Variants in FAT3 observed in about 807,000 individuals in gnomAD.
FAT3 encodes protocadherin Fat 3.
In FAT3, 95 loss-of-function variants were observed where a neutral mutation model predicts 310.2. That is an observed-to-expected ratio of 0.31 (90% CI 0.26 to 0.36). The LOEUF (loss-of-function observed/expected upper bound fraction) is 0.36, where lower values mean the gene tolerates loss of function less well. Ranked by LOEUF, FAT3 falls within the 10% of genes least tolerant of loss-of-function variation. The pLI, the probability that FAT3 is intolerant of heterozygous loss-of-function variation, is 1.00. For missense variants in FAT3, 5,408 were observed against 5,715.6 expected (o/e 0.95, Z 1.74); for synonymous variants, 2,314 against 2,192.9 (o/e 1.06, Z -1.54).
At chr11:92,588,229 G>T (rs1300124779) in intron 3 of FAT3, among the ~76,000 whole-genome samples, 1 of 151,666 alleles carries the variant, frequency 6.6e-6, no homozygotes, top group Non-Finnish European at 1.5e-5. Flanking sequence ...GACCAACAGT[G>T]TTCCTAATGC....
intron 2 of FAT3, among the ~76,000 whole-genome samples, chr11:92,479,357 C>T (rs1376985667): frequency 6.6e-6 from 1 of 152,014 alleles, no homozygotes. Flanking sequence ...TGTTCAGTGA[C>T]TTGCCTAAGG....
At chr11:92,561,903 G>C (rs894831232) in intron 3 of FAT3, among the ~76,000 whole-genome samples, 3 of 152,116 alleles carry the variant, frequency 2.0e-5, no homozygotes, top group African/African-American at 7.2e-5. Flanking sequence ...TGGGATTACA[G>C]GCGTGAACCA....
chr11:92,342,612 C>T (rs1306288782), intron 1 of FAT3, among the ~76,000 whole-genome samples: 1 of 152,126 alleles, frequency 6.6e-6, no homozygotes, highest in African/African-American at 2.4e-5. Context: ...TGCCCCCCGA[C>T]TATTGGAATT....
chr11:92,635,448 T>C (rs1329905492), intron 3 of FAT3, among the ~76,000 whole-genome samples: 1 of 152,228 alleles, frequency 6.6e-6, no homozygotes, highest in Non-Finnish European at 1.5e-5. Context: ...AGCCATATCA[T>C]GAAGGCCTTC....
intron 2 of FAT3, among the ~76,000 whole-genome samples, chr11:92,482,968 A>C (rs1952274235): frequency 6.6e-6 from 1 of 152,228 alleles, no homozygotes; most frequent in Non-Finnish European, 1.5e-5. Context: ...TAAATCAAGA[A>C]GGGAAAGGCA....
chr11:92,586,247 A>G (rs1939150118), intron 3 of FAT3, among the ~76,000 whole-genome samples: 1 of 152,040 alleles, frequency 6.6e-6, no homozygotes, highest in South Asian at 2.1e-4. Context: ...GTATTTATAT[A>G]AAAGACATTT....
intron 3 of FAT3, among the ~76,000 whole-genome samples, chr11:92,546,740 C>T (rs771480395): frequency 2.0e-5 from 3 of 152,062 alleles, no homozygotes; most frequent in Non-Finnish European, 4.4e-5. Context: ...GGGTGGGGAA[C>T]GGGGGCTACC....
intron 1 of FAT3, among the ~76,000 whole-genome samples, chr11:92,349,490 A>G (rs990976935): frequency 2.0e-5 from 3 of 152,216 alleles, no homozygotes; most frequent in Admixed American, 1.3e-4. Context: ...AGACACCCCA[A>G]TCACACTGTG....
chr11:92,377,962 A>G (rs1382790702), intron 2 of FAT3, among the ~76,000 whole-genome samples: 1 of 152,210 alleles, frequency 6.6e-6, no homozygotes, highest in Non-Finnish European at 1.5e-5. Flanking sequence ...AAAGCTTTGA[A>G]TAATGTATGT....
Position 92,554,440 on chromosome 11 carries a change from C to T in FAT3, c.3607+29492C>T, listed in dbSNP as rs370501568. Among the ~76,000 whole-genome samples, 7 of 111,336 alleles carry T rather than the reference C, an allele frequency of 6.3e-5. No homozygotes were observed. The South Asian group carries it at 1.5e-3, about 24-fold the overall frequency. 73.0% of individuals were successfully genotyped at this position (111,336 alleles called of 152,430 possible). On this transcript the variant is annotated intron_variant, in intron 3 of 27. Coordinates refer to ENST00000525166, the MANE Select transcript of FAT3 (RefSeq NM_001367949.2). Reference sequence around the variant, plus strand: ...TTGCGCCACTGCACTCCAACCTGGGCGAAAGAGTGAGACTCCATCTCAAAA... The same window carrying T: ...TTGCGCCACTGCACTCCAACCTGGGTGAAAGAGTGAGACTCCATCTCAAAA...
rs1033995626 is a variant in FAT3, at chr11:92,615,414, T to A, written c.3608-81970T>A. Among the ~76,000 whole-genome samples, 14 of 152,084 alleles carry A rather than the reference T, an allele frequency of 9.2e-5. 1 individual carries two copies. The South Asian group carries it at 2.7e-3, about 29-fold the overall frequency. ...GGCACCCACCACCACGCCTGGCTAA[T>A]TTTTGTATTTTTAGTGGAGACAGGG... On this transcript the variant is annotated intron_variant, in intron 3 of 27. Transcript: ENST00000525166.
intron 2 of FAT3, among the ~76,000 whole-genome samples, chr11:92,504,610 T>A (rs1216586393): frequency 1.3e-5 from 2 of 152,174 alleles, no homozygotes. Context: ...CTCCTTTTCC[T>A]TGTTATAATT....
chr11:92,776,998 G>A (rs1004207551), intron 7 of FAT3, among the ~76,000 whole-genome samples: 9 of 152,144 alleles, frequency 5.9e-5, no homozygotes, highest in Non-Finnish European at 1.0e-4. Flanking sequence ...AGCACCCTCC[G>A]TGTCAAGAAC....
chr11:92,567,906 G>T lies in FAT3; in HGVS notation c.3607+42958G>T, dbSNP rs1955524166. Among the ~76,000 whole-genome samples, 3 of 142,590 alleles carry T rather than the reference G, an allele frequency of 2.1e-5. No homozygotes were observed. In the South Asian group the frequency reaches 7.6e-4, roughly 36 times the overall value. The allele number at this position is 142,590 out of a possible 152,430, so 93.5% of individuals were successfully genotyped here. On this transcript the variant is annotated intron_variant, in intron 3 of 27. Coordinates refer to ENST00000525166, the MANE Select transcript of FAT3 (RefSeq NM_001367949.2). ...GGGACTGTTGTGGGGTTGGGGGAGG[G>T]GGGAGGGATAGCATTGGGAGATACA...
intron 2 of FAT3, among the ~76,000 whole-genome samples, chr11:92,442,916 A>T (rs1310293284): frequency 6.6e-6 from 1 of 152,186 alleles, no homozygotes; most frequent in African/African-American, 2.4e-5. Context: ...CTTCTTTTCT[A>T]TTTCTAAAAT....
intron 3 of FAT3, among the ~76,000 whole-genome samples, chr11:92,689,159 G>A (rs1591610799): frequency 6.6e-6 from 1 of 152,268 alleles, no homozygotes; most frequent in Admixed American, 6.5e-5. Context: ...CAGCTGCCTA[G>A]AGGTAGAACT....
At position 92,790,176 on chromosome 11, in the gene FAT3, G is replaced by T. The variant is rs751252094; in HGVS notation, c.4569G>T (p.Arg1523Ser). The T allele has an allele frequency of 1.2e-6, 2 of 1,613,624 alleles. No homozygotes were observed. Among genetic ancestry groups the T allele is most frequent in the Non-Finnish European group, 1.7e-6 (2 of 1,179,698 alleles). Residue 1523 changes from arginine (R) to serine (S), a missense_variant, in exon 8 of 28, where the codon AGG (arginine) becomes AGT (serine). By Grantham distance (110) the Arg-to-Ser change is moderately radical (BLOSUM62 -1). Coordinates refer to ENST00000525166, the MANE Select transcript of FAT3 (RefSeq NM_001367949.2). ...CTGGCGTGCTCTATACTGCCGAGAG[G>T]CTGGACCATGAGGCCCAGGACAAGC... ...PSTGVLYTAE[R>S]LDHEAQDKHI... is the part of the protein sequence containing the mutation.
chr11:92,669,346 C>T (rs1013016171), intron 3 of FAT3, among the ~76,000 whole-genome samples: 1 of 152,206 alleles, frequency 6.6e-6, no homozygotes, highest in Admixed American at 6.5e-5. Flanking sequence ...ATGCATACTA[C>T]ACAGCTATAG....
At chr11:92,451,466 G>A (rs1026804487) in intron 2 of FAT3, among the ~76,000 whole-genome samples, 1 of 152,106 alleles carries the variant, frequency 6.6e-6, no homozygotes, top group Non-Finnish European at 1.5e-5. Flanking sequence ...GTTTCCTCTT[G>A]CACAGTGGGG....
Sources: gnomAD v4.1 joint callset for allele counts (sites outside exome capture counted in the v4.1 genomes callset) on GRCh38, gnomAD v4.1.1 for gene constraint, MANE v1.5 for transcripts, NCBI Gene and HGNC (gene_info 2026-07-23, HGNC 2026-07-21) for gene names.